GNG2: variants seen among roughly 807,000 people sequenced by gnomAD.
GNG2 encodes guanine nucleotide-binding protein G(I)/G(S)/G(O) subunit gamma-2.
In GNG2, 5 loss-of-function variants were observed where a neutral mutation model predicts 5.5. The ratio of observed to expected loss-of-function variants is 0.91; its 90% CI spans 0.48 to 1.92. The LOEUF is 1.92. GNG2 is among the 30% of genes most tolerant of loss of function. The pLI is 0.01. For missense variants in GNG2, 55 were observed against 88.4 expected, an observed-to-expected ratio of 0.62 and a Z score of 1.52; for synonymous variants, 28 against 32.0, an observed-to-expected ratio of 0.88 and a Z score of 0.42.
chr14:51,893,205 G>T (rs1261793230), intron 2 of GNG2, among the ~76,000 whole-genome samples: 1 of 152,166 alleles, frequency 6.6e-6, no homozygotes, highest in Admixed American at 6.5e-5. Context: ...TTTCTTAAAA[G>T]GTTGTAGCAA....
intron 2 of GNG2, among the ~76,000 whole-genome samples, chr14:51,845,774 A>G (rs1881606906): frequency 6.6e-6 from 1 of 152,154 alleles, no homozygotes; most frequent in Non-Finnish European, 1.5e-5. Flanking sequence ...TGAGCTCTGA[A>G]TTCCCCATCT....
intron 2 of GNG2, among the ~76,000 whole-genome samples, chr14:51,911,626 C>G (rs1886299686): frequency 6.6e-6 from 1 of 151,128 alleles, no homozygotes; most frequent in Non-Finnish European, 1.5e-5. Flanking sequence ...TCACTGTAAC[C>G]TCTAACTCTT....
intron 1 of GNG2, among the ~76,000 whole-genome samples, chr14:51,875,814 A>G (rs1182816980): frequency 6.6e-6 from 1 of 151,270 alleles, no homozygotes; most frequent in Non-Finnish European, 1.5e-5. Context: ...TGCATTTTAC[A>G]TTCTTTTTAC....
chr14:51,903,616 C>T (rs1885707619), intron 2 of GNG2, among the ~76,000 whole-genome samples: 1 of 152,184 alleles, frequency 6.6e-6, no homozygotes, highest in African/African-American at 2.4e-5. Flanking sequence ...AGTTCCAGAC[C>T]TCTACGATTT....
chr14:51,858,853 C>G (rs563715621), upstream of GNG2, among the ~76,000 whole-genome samples: 2 of 152,262 alleles, frequency 1.3e-5, no homozygotes, highest in Admixed American at 1.3e-4. Context: ...TAAATCAATC[C>G]ATTTTGTAAT....
intron 2 of GNG2, among the ~76,000 whole-genome samples, chr14:51,950,007 T>C (rs941601020): frequency 3.3e-5 from 5 of 152,184 alleles, no homozygotes; most frequent in African/African-American, 1.2e-4. Flanking sequence ...TTCAGAGTGC[T>C]GGGATTACAG....
chr14:51,942,364 C>T (rs1162482525), intron 2 of GNG2, among the ~76,000 whole-genome samples: 2 of 151,944 alleles, frequency 1.3e-5, no homozygotes, highest in Non-Finnish European at 2.9e-5. Flanking sequence ...TACTACAAGG[C>T]GTTAGAGTCT....
chr14:51,836,132 A>G (rs953652689), intron 2 of GNG2, among the ~76,000 whole-genome samples: 2 of 151,842 alleles, frequency 1.3e-5, no homozygotes, highest in African/African-American at 4.8e-5. Context: ...TTCATTTGGC[A>G]GAGGAGAGAT....
chr14:51,942,000 C>T (rs72678147), intron 2 of GNG2, among the ~76,000 whole-genome samples: 6,875 of 152,210 alleles, frequency 0.045, 219 homozygotes, highest in Non-Finnish European at 0.073. Context: ...GGGATTTTTG[C>T]TATTTGTATC....
intron 2 of GNG2, among the ~76,000 whole-genome samples, chr14:51,879,083 CGTT>C (rs1284912218): frequency 6.6e-6 from 1 of 152,198 alleles, no homozygotes; most frequent in Non-Finnish European, 1.5e-5. Context: ...TCTAGGGAGA[CGTT>C]GTGAACATTG....
intron 3 of GNG2, among the ~76,000 whole-genome samples, chr14:51,964,706 G>T (rs1889797812): frequency 6.6e-6 from 1 of 152,178 alleles, no homozygotes; most frequent in Non-Finnish European, 1.5e-5. Context: ...AAATCATAAA[G>T]TTGAAGTAGC....
intron 3 of GNG2, among the ~76,000 whole-genome samples, chr14:51,965,565 A>G (rs1315783888): frequency 1.3e-5 from 2 of 152,356 alleles, no homozygotes; most frequent in African/African-American, 4.8e-5. Flanking sequence ...CAGCATCGCC[A>G]GAATCAGTGA....
chr14:51,876,008 GC>G (rs2140131068), intron 1 of GNG2, among the ~76,000 whole-genome samples: 1 of 145,792 alleles, frequency 6.9e-6, no homozygotes, highest in East Asian at 2.0e-4. Context: ...CATGATTATG[GC>G]TCACTATAGC....
intron 2 of GNG2, among the ~76,000 whole-genome samples, chr14:51,934,908 T>TAGCAA (rs552786562): frequency 3.6e-3 from 542 of 152,296 alleles, no homozygotes; most frequent in African/African-American, 0.012. Flanking sequence ...GAGACGTTCT[T>TAGCAA]AGCAAATACT....
At chr14:51,908,527 G>GATCTATCTATCTATCT (rs10624821) in intron 2 of GNG2, among the ~76,000 whole-genome samples, 143 of 149,688 alleles carry the variant, frequency 9.6e-4, no homozygotes, top group South Asian at 1.5e-3. Context: ...ATATTTTAAA[G>GATCTATCTATCTATCT]ATCTATCTAT....
intron 2 of GNG2, among the ~76,000 whole-genome samples, chr14:51,943,707 G>A (rs1888478410): frequency 1.3e-5 from 2 of 152,020 alleles, no homozygotes; most frequent in Non-Finnish European, 2.9e-5. Flanking sequence ...ATTAACAGTA[G>A]CATCAAAAAG....
intron 3 of GNG2, among the ~76,000 whole-genome samples, chr14:51,960,439 TCTATAAATC>T (rs1889537171): frequency 6.6e-6 from 1 of 152,076 alleles, no homozygotes; most frequent in Non-Finnish European, 1.5e-5. Flanking sequence ...AATATTCGTG[TCTATAAATC>T]TGCTAATTCT....
rs1886614400 is a variant in GNG2 at position 51,916,268 on chromosome 14, A to G, written c.-29-34382A>G. On this transcript the variant is annotated intron_variant, in intron 2 of 3. Transcript: ENST00000556766. ...CAGAGAGCCATATTTTACATCTATT[A>G]TTATTTCAGCTAGACGAAAACACAG... 6.9e-5 allele frequency: 19 copies of G among 275,266 alleles called. 1 individual carries two copies. Among genetic ancestry groups the G allele is most frequent in the South Asian group, 5.9e-4 (19 of 32,278 alleles). 17.1% of individuals were successfully genotyped at this position (275,266 alleles called of 1,614,324 possible). A position where few individuals can be genotyped will look rare whatever the true frequency, so the allele number is the denominator to read the frequency against.
intron 3 of GNG2, among the ~76,000 whole-genome samples, chr14:51,955,828 C>A (rs1889246606): frequency 6.6e-6 from 1 of 152,128 alleles, no homozygotes; most frequent in African/African-American, 2.4e-5. Context: ...AAAGAACAGA[C>A]TGACTTTCAC....
Sources: gnomAD v4.1 joint callset for allele counts (sites outside exome capture counted in the v4.1 genomes callset) on GRCh38, gnomAD v4.1.1 for gene constraint, MANE v1.5 for transcripts, NCBI Gene and HGNC (gene_info 2026-07-23, HGNC 2026-07-21) for gene names.